GAS7: variants seen among roughly 807,000 people sequenced by gnomAD.
The protein encoded by GAS7 is growth arrest-specific protein 7.
A neutral mutation model predicts 71.1 loss-of-function variants in GAS7; 28 were observed. The observed-to-expected ratio is 0.39, with a 90% CI of 0.29 to 0.54. GAS7 has a LOEUF of 0.54. Among genes scored for constraint, GAS7 ranks in the 20% least tolerant of loss-of-function variants. The probability of loss-of-function intolerance (pLI) is 0.62; values close to 1 mark genes in which losing one functional copy is unlikely to be tolerated. For missense variants in GAS7, 436 were observed against 627.8 expected (o/e 0.69, Z 3.27); for synonymous variants, 258 against 245.8 (o/e 1.05, Z -0.46).
rs901818039 is a variant in GAS7 at position 9,981,089 on chromosome 17, C to G, written c.385+715G>C. 6.6e-6 allele frequency among the ~76,000 whole-genome samples: 1 copy of G among 152,170 alleles called. No individual in the cohort carries two copies. The highest frequency in any genetic ancestry group is 6.5e-5 in the Admixed American group (1 of 15,284). ...GGTGGATCACTTGAGACCAGGAGCT[C>G]AAGACCAGCCTGGCCAACATGGCGA... On this transcript the variant is annotated intron_variant, in intron 3 of 13. Coordinates refer to ENST00000432992, the MANE Select transcript of GAS7 (RefSeq NM_201433.2). The surrounding 1 kb of genome is among the most constrained non-coding windows in gnomAD (Gnocchi z 4.4).
At chr17:10,009,245 C>T (rs917170429) in intron 2 of GAS7, among the ~76,000 whole-genome samples, 2 of 144,254 alleles carry the variant, frequency 1.4e-5, no homozygotes, top group Admixed American at 7.0e-5. Flanking sequence ...GGCGTGAACC[C>T]GGGAGGCGGA....
At position 9,974,272 on chromosome 17, in the gene GAS7, A is replaced by T. The variant is rs1011426201; in HGVS notation, c.386-4510T>A. 3.6e-4 allele frequency among the ~76,000 whole-genome samples: 55 copies of T among 152,324 alleles called. No homozygotes were observed. Among genetic ancestry groups the T allele is most frequent in the African/African-American group, 1.3e-3 (52 of 41,578 alleles). On this transcript the variant is annotated intron_variant, in intron 3 of 13. Transcript: ENST00000432992. The surrounding 1 kb of genome is among the most constrained non-coding windows in gnomAD (Gnocchi z 4.0). ...TTATCACTTGAAGTCTCCCGGGCACATTCAGAATACGTCTCAGTGGAGATC... is the reference window on the plus strand; with the variant it reads ...TTATCACTTGAAGTCTCCCGGGCACTTTCAGAATACGTCTCAGTGGAGATC...
chr17:10,096,241 G>A (rs572178763), intron 1 of GAS7, among the ~76,000 whole-genome samples: 45 of 152,116 alleles, frequency 3.0e-4, no homozygotes, highest in Non-Finnish European at 5.6e-4. Context: ...CTATGTTATA[G>A]TCCCTAGAAG....
At chr17:9,947,062 G>T in intron 5 of GAS7, 79 bp from the exon 6 acceptor site, 1 of 906,332 alleles carries the variant, frequency 1.1e-6, no homozygotes, top group Non-Finnish European at 1.8e-6. Context: ...TGGGGGACAC[G>T]GCACTGGAGC....
intron 2 of GAS7, among the ~76,000 whole-genome samples, chr17:10,005,346 C>T (rs887420014): frequency 1.1e-4 from 17 of 149,764 alleles, no homozygotes; most frequent in African/African-American, 2.7e-4. Context: ...CACACACACA[C>T]ATATATATAT....
intron 1 of GAS7, among the ~76,000 whole-genome samples, chr17:10,178,299 G>A (rs1023725068): frequency 5.3e-5 from 8 of 150,382 alleles, no homozygotes; most frequent in Non-Finnish European, 1.0e-4. Context: ...TGTGGTGCCC[G>A]TGGAATGCTT....
At chr17:10,135,642 G>C (rs1445415773) in intron 1 of GAS7, among the ~76,000 whole-genome samples, 1 of 152,200 alleles carries the variant, frequency 6.6e-6, no homozygotes, top group Non-Finnish European at 1.5e-5. Context: ...AGCCAGCAGA[G>C]AGGGCACAAT....
chr17:9,990,546 C>A (rs1484583227), intron 2 of GAS7, among the ~76,000 whole-genome samples: 1 of 152,174 alleles, frequency 6.6e-6, no homozygotes, highest in African/African-American at 2.4e-5. Context: ...TGGGGGCCAT[C>A]TTGGAAGGCT....
At chr17:10,192,549 C>T (rs1046380815) in intron 1 of GAS7, among the ~76,000 whole-genome samples, 1 of 152,180 alleles carries the variant, frequency 6.6e-6, no homozygotes, top group Non-Finnish European at 1.5e-5. Flanking sequence ...GTCAGCCTCT[C>T]ATTCATGTTT....
At chr17:10,132,545 CACTTG>C (rs1388694083) in intron 1 of GAS7, among the ~76,000 whole-genome samples, 1 of 152,174 alleles carries the variant, frequency 6.6e-6, no homozygotes, top group Non-Finnish European at 1.5e-5. Context: ...GTGGGTGGAT[CACTTG>C]AGGCCAGGAG....
At chr17:10,064,856 T>C (rs1048404956) in intron 1 of GAS7, among the ~76,000 whole-genome samples, 1 of 152,220 alleles carries the variant, frequency 6.6e-6, no homozygotes, top group African/African-American at 2.4e-5. Context: ...TTTCACTGGA[T>C]CTCGCTCTGT....
At position 10,198,440 on chromosome 17, in the gene GAS7, A is replaced by ACGGGCTGGGCAGCGGCTCCG. The variant is rs2142162414; in HGVS notation, c.-70_-51dup. 7.3e-7 allele frequency: 1 copy of ACGGGCTGGGCAGCGGCTCCG among 1,371,988 alleles called. No homozygotes were observed. The highest frequency in any genetic ancestry group is 1.5e-5 in the African/African-American group (1 of 65,766). The allele number at this position is 1,371,988 out of a possible 1,614,324, so 85.0% of individuals were successfully genotyped here. ...GCAGCCTGCATTCCCGCCGAGCCCC[A>ACGGGCTGGGCAGCGGCTCCG]CGGGCTGGGCAGCGGCTCCGCGGGG... On this transcript the variant is annotated 5_prime_UTR_variant, in exon 1 of 14. Transcript: ENST00000432992.
At position 9,926,927 on chromosome 17, in the gene GAS7, G is replaced by C. The variant is rs567081139; in HGVS notation, c.886-158C>G. 2 of 701,130 alleles carry C rather than the reference G, an allele frequency of 2.9e-6. No homozygotes were observed. Among genetic ancestry groups the C allele is most frequent in the East Asian group, 5.3e-5 (2 of 37,808 alleles). 43.4% of individuals were successfully genotyped at this position (701,130 alleles called of 1,614,324 possible). A position where few individuals can be genotyped will look rare whatever the true frequency, so the allele number is the denominator to read the frequency against. ...GAAGGTGAGAGACACCCCCTGACAC[G>C]TGGCTGCCTATCAGGTCTCAGCTTA... On this transcript the variant is annotated intron_variant, in intron 9 of 13. Coordinates refer to ENST00000432992, the MANE Select transcript of GAS7 (RefSeq NM_201433.2). The surrounding 1 kb of genome is among the most constrained non-coding windows in gnomAD (Gnocchi z 5.0).
chr17:10,038,875 A>C (rs1193189030), intron 1 of GAS7, among the ~76,000 whole-genome samples: 1 of 152,020 alleles, frequency 6.6e-6, no homozygotes, highest in Non-Finnish European at 1.5e-5. Flanking sequence ...AATTGGAAGG[A>C]AATTTTGACA....
At chr17:10,039,426 A>T (rs1322600805) in intron 1 of GAS7, among the ~76,000 whole-genome samples, 2 of 152,132 alleles carry the variant, frequency 1.3e-5, no homozygotes, top group East Asian at 1.9e-4. Context: ...TCACGTCTGT[A>T]ATCCCAACAC....
At chr17:10,124,049 G>A (rs906872084) in intron 1 of GAS7, among the ~76,000 whole-genome samples, 2 of 152,202 alleles carry the variant, frequency 1.3e-5, no homozygotes, top group African/African-American at 4.8e-5. Flanking sequence ...GGGCACAGTC[G>A]TGCTCTATTC....
intron 2 of GAS7, among the ~76,000 whole-genome samples, chr17:9,987,240 T>C (rs1184015716): frequency 6.6e-6 from 1 of 152,184 alleles, no homozygotes; most frequent in Non-Finnish European, 1.5e-5. Context: ...GGAGGAACAG[T>C]GCGGTCAGAG....
intron 1 of GAS7, among the ~76,000 whole-genome samples, chr17:10,067,143 G>T (rs570490811): frequency 6.6e-6 from 1 of 152,214 alleles, no homozygotes; most frequent in East Asian, 1.9e-4. Context: ...AAATATGGGG[G>T]AGGGATGGGG....
chr17:10,071,575 A>T (rs188366659), intron 1 of GAS7, among the ~76,000 whole-genome samples: 36 of 152,000 alleles, frequency 2.4e-4, no homozygotes, highest in South Asian at 2.1e-3. Flanking sequence ...AGACCTTTTT[A>T]AAAAAAAGTT....
Sources: gnomAD v4.1 joint callset for allele counts (sites outside exome capture counted in the v4.1 genomes callset) on GRCh38, gnomAD v4.1.1 for gene constraint, Gnocchi (gnomAD v3.1) non-coding constraint, MANE v1.5 for transcripts, NCBI Gene and HGNC (gene_info 2026-07-23, HGNC 2026-07-21) for gene names.